Variants in SLIT2 observed in about 807,000 individuals in gnomAD.
SLIT2 encodes slit guidance ligand 2.
SLIT2 carries 41 observed loss-of-function variants against 185.7 expected under a neutral mutation model. The ratio of observed to expected loss-of-function variants is 0.22; its 90% CI spans 0.17 to 0.29. The LOEUF is 0.29. SLIT2 is among the 10% of genes least tolerant of loss of function. SLIT2 has a pLI of 1.00. For synonymous variants in SLIT2, 693 were observed against 680.2 expected, an observed-to-expected ratio of 1.02 and a Z score of -0.29; for missense variants, 1,571 against 1,909.0, an observed-to-expected ratio of 0.82 and a Z score of 3.30.
chr4:20,277,499 C>A (rs1379977944), intron 4 of SLIT2, among the ~76,000 whole-genome samples: 2 of 151,596 alleles, frequency 1.3e-5, no homozygotes, highest in African/African-American at 4.8e-5. Flanking sequence ...TTACATTATA[C>A]ATTTTCTAGG....
intron 9 of SLIT2, among the ~76,000 whole-genome samples, chr4:20,496,861 A>G (rs490478): frequency 0.75 from 114,527 of 152,056 alleles, 43,448 homozygotes; most frequent in East Asian, 0.95. Flanking sequence ...TATTAACCAA[A>G]TTTGATAAAT....
chr4:20,471,321 C>G (rs75796983), intron 5 of SLIT2, among the ~76,000 whole-genome samples: 2 of 152,024 alleles, frequency 1.3e-5, no homozygotes, highest in Non-Finnish European at 2.9e-5. Context: ...TATATTATAA[C>G]TGAGGGTAAA....
At chr4:20,445,552 C>T (rs1008120925) in intron 4 of SLIT2, among the ~76,000 whole-genome samples, 2 of 152,120 alleles carry the variant, frequency 1.3e-5, no homozygotes, top group Non-Finnish European at 1.5e-5. Flanking sequence ...TCAGTTTTTG[C>T]TGTTATTTCT....
chr4:20,603,241 C>A (rs1167513054), intron 33 of SLIT2, among the ~76,000 whole-genome samples: 1 of 152,150 alleles, frequency 6.6e-6, no homozygotes, highest in Non-Finnish European at 1.5e-5. Flanking sequence ...CATCACATCT[C>A]GTGAGACTCA....
At chr4:20,334,224 G>C (rs969090151) in intron 4 of SLIT2, among the ~76,000 whole-genome samples, 1 of 152,138 alleles carries the variant, frequency 6.6e-6, no homozygotes. Context: ...GTGGTAATAT[G>C]TAAGACTTTT....
At chr4:20,350,164 C>T (rs770498471) in intron 4 of SLIT2, among the ~76,000 whole-genome samples, 4 of 152,120 alleles carry the variant, frequency 2.6e-5, no homozygotes, top group Admixed American at 6.6e-5. Context: ...TTCCTTAAAA[C>T]GTAACCATCT....
rs749766154 is a variant in SLIT2 at position 20,491,830 on chromosome 4, A to G, written c.845A>G (p.Asn282Ser). Residue 282 changes from asparagine to serine, a missense_variant, in exon 9 of 37, where the codon AAT (asparagine) becomes AGT (serine). By Grantham distance (46) the Asn-to-Ser change is conservative. Around this residue, in one of 3 missense-constraint regions of SLIT2, gnomAD observed 1,202 missense variants for 1,416.4 expected, o/e 0.85. Coordinates refer to ENST00000504154, the MANE Select transcript of SLIT2 (RefSeq NM_004787.4). ...CCTGCCGCCTGTACCTGTAGCAACA[A>G]TATCGTAGACTGTCGTGGGAAAGGT... is the stretch of plus-strand genomic sequence containing the variant. ...HCPAACTCSN[N>S]IVDCRGKGLT... 6.2e-7 allele frequency: 1 copy of G among 1,613,970 alleles called. No homozygotes were observed. Among genetic ancestry groups the G allele is most frequent in the Non-Finnish European group, 8.5e-7 (1 of 1,179,918 alleles).
At chr4:20,258,053 A>G (rs894251543) in intron 3 of SLIT2, 114 bp downstream of exon 3, 114 of 579,020 alleles carry the variant, frequency 2.0e-4, no homozygotes, top group Non-Finnish European at 2.1e-4. Context: ...TTTTGCAGAA[A>G]AAGGAGGATG....
chr4:20,368,441 G>A (rs1255056171), intron 4 of SLIT2, among the ~76,000 whole-genome samples: 1 of 151,522 alleles, frequency 6.6e-6, no homozygotes, highest in Non-Finnish European at 1.5e-5. Flanking sequence ...ACTTTTTTTT[G>A]TTAAAGATAA....
intron 29 of SLIT2, among the ~76,000 whole-genome samples, chr4:20,573,832 G>A (rs1331188649): frequency 6.6e-6 from 1 of 152,028 alleles, no homozygotes; most frequent in Non-Finnish European, 1.5e-5. Flanking sequence ...GTGACTACTA[G>A]GTAGTATGTT....
At chr4:20,403,891 T>A (rs1209692512) in intron 4 of SLIT2, among the ~76,000 whole-genome samples, 1 of 103,498 alleles carries the variant, frequency 9.7e-6, no homozygotes, top group African/African-American at 4.0e-5. Context: ...GGCTGTTAAC[T>A]GGACTTAAAA....
At chr4:20,470,099 A>G (rs1714816651) in intron 5 of SLIT2, among the ~76,000 whole-genome samples, 1 of 152,212 alleles carries the variant, frequency 6.6e-6, no homozygotes, top group South Asian at 2.1e-4. Context: ...TGGGTTTGGT[A>G]TGGTTATTAG....
intron 9 of SLIT2, among the ~76,000 whole-genome samples, chr4:20,497,895 C>T (rs188201333): frequency 5.9e-5 from 9 of 152,066 alleles, no homozygotes; most frequent in East Asian, 1.9e-4. Context: ...AAACAAAAAA[C>T]GGGCGTGCTG....
At chr4:20,586,791 A>G (rs1156538757) in intron 29 of SLIT2, among the ~76,000 whole-genome samples, 1 of 152,244 alleles carries the variant, frequency 6.6e-6, no homozygotes, top group South Asian at 2.1e-4. Context: ...AAGGGAACAT[A>G]TAATGGATGA....
intron 9 of SLIT2, among the ~76,000 whole-genome samples, chr4:20,509,356 A>T (rs886898817): frequency 6.6e-6 from 1 of 152,054 alleles, no homozygotes; most frequent in Admixed American, 6.6e-5. Context: ...ACCCAGGGCT[A>T]TAAGGACAGA....
At chr4:20,436,057 A>T (rs1286594667) in intron 4 of SLIT2, among the ~76,000 whole-genome samples, 1 of 152,250 alleles carries the variant, frequency 6.6e-6, no homozygotes, top group African/African-American at 2.4e-5. Flanking sequence ...TAATGCACTC[A>T]GTTGAACTTA....
At chr4:20,452,364 G>A (rs1712565398) in intron 4 of SLIT2, among the ~76,000 whole-genome samples, 1 of 152,170 alleles carries the variant, frequency 6.6e-6, no homozygotes, top group Non-Finnish European at 1.5e-5. Flanking sequence ...TCTTCTTAGT[G>A]TTGTGAATAT....
At position 20,254,008 on chromosome 4, in the gene SLIT2, C is replaced by A. The variant is rs1239661339; in HGVS notation, c.179+14C>A. 1 of 1,596,406 alleles carries A rather than the reference C, an allele frequency of 6.3e-7. No homozygotes were observed. The highest frequency in any genetic ancestry group is 1.1e-5 in the South Asian group (1 of 90,782). On this transcript the variant is annotated intron_variant, in intron 1 of 36. Coordinates refer to ENST00000504154, the MANE Select transcript of SLIT2 (RefSeq NM_004787.4). This position sits in a 1 kb window ranked among gnomAD's most constrained non-coding sequence, Gnocchi z 5.1. ...CACCGAGAGACTGTGAGTATGCGCT[C>A]TTCGTCTTCCCCTCTCCCCATCCGG... is the stretch of plus-strand genomic sequence containing the variant.
intron 4 of SLIT2, among the ~76,000 whole-genome samples, chr4:20,277,758 A>G (rs1714312890): frequency 6.7e-6 from 1 of 148,186 alleles, no homozygotes; most frequent in African/African-American, 2.4e-5. Flanking sequence ...GCTATATCCA[A>G]ATTAATATAT....
Sources: gnomAD v4.1 joint callset for allele counts (sites outside exome capture counted in the v4.1 genomes callset) on GRCh38, gnomAD v4.1.1 for gene constraint, gnomAD v4.1.1 regional missense constraint, Gnocchi (gnomAD v3.1) non-coding constraint, MANE v1.5 for transcripts, NCBI Gene and HGNC (gene_info 2026-07-23, HGNC 2026-07-21) for gene names.